Variants in MYOM2 observed in about 807,000 individuals in gnomAD.
MYOM2 encodes the protein myomesin-2.
Under a neutral mutation model 187.6 loss-of-function variants are expected in MYOM2, and 254 were observed. That is an observed-to-expected ratio of 1.35 (90% CI 1.22 to 1.50). The LOEUF (loss-of-function observed/expected upper bound fraction) is 1.50. Among genes scored for constraint, MYOM2 ranks in the 40% most tolerant of loss-of-function variants. MYOM2 has a pLI of 0.00. For synonymous variants in MYOM2, 981 were observed against 753.8 expected (o/e 1.30, Z -4.94); for missense variants, 2,796 against 1,924.0 (o/e 1.45, Z -8.48).
intron 25 of MYOM2, among the ~76,000 whole-genome samples, chr8:2,113,169 G>A (rs17751773): frequency 0.14 from 20,890 of 152,296 alleles, 1,834 homozygotes; most frequent in Non-Finnish European, 0.2. Context: ...GTGATTCTAC[G>A]GTGGCATGGC....
intron 1 of MYOM2, among the ~76,000 whole-genome samples, chr8:2,046,738 C>T (rs954029004): frequency 7.4e-6 from 1 of 135,900 alleles, no homozygotes; most frequent in African/African-American, 2.6e-5. Context: ...CTTTCTCTCT[C>T]TCTTTCTTTT....
At chr8:2,096,187 C>G in intron 17 of MYOM2, 60 bp from the exon 18 acceptor site, 1 of 1,539,138 alleles carries the variant, frequency 6.5e-7, no homozygotes, top group East Asian at 2.3e-5. Flanking sequence ...AGCTGGCTGC[C>G]CCGGGGACAA....
intron 11 of MYOM2, among the ~76,000 whole-genome samples, chr8:2,078,034 C>G (rs1218341865): frequency 6.6e-6 from 1 of 152,144 alleles, no homozygotes; most frequent in Non-Finnish European, 1.5e-5. Context: ...AGTGCTCCCT[C>G]CCAACACTGA....
At position 2,069,299 on chromosome 8, in the gene MYOM2, G is replaced by A. The variant is rs564873821; in HGVS notation, c.675G>A (p.Ala225=). ...CAAGGGCAGACTTTGACGACACTGCGACATACTCAGCAGTGGCCACCAATG... is the reference window on the plus strand; with the variant it reads ...CAAGGGCAGACTTTGACGACACTGCAACATACTCAGCAGTGGCCACCAATG... ...EINRADFDDT[A]TYSAVATNAH... The change falls in exon 7 of 37, where the codon GCG becomes GCA. Residue 225 remains alanine (A), a synonymous_variant. Transcript: ENST00000262113. The A allele has an allele frequency of 3.8e-5, 62 of 1,613,060 alleles. 1 individual carries two copies. In the African/African-American group the frequency reaches 4.0e-4, roughly 10 times the overall value.
At chr8:2,128,652 C>G (rs1363744434) in intron 31 of MYOM2, among the ~76,000 whole-genome samples, 2 of 152,138 alleles carry the variant, frequency 1.3e-5, no homozygotes, top group Non-Finnish European at 2.9e-5. Flanking sequence ...TTCTGCTTTC[C>G]TTCCTCTGAC....
intron 30 of MYOM2, 89 bp downstream of exon 30, chr8:2,123,731 C>G (rs1157049274): frequency 1.8e-6 from 2 of 1,103,668 alleles, no homozygotes; most frequent in South Asian, 2.6e-5. Flanking sequence ...TATGTCTAGC[C>G]TCAGCTATAG....
At chr8:2,120,689 A>AATATATATATAAATATATATTTATAATAT (rs1554432195) in intron 28 of MYOM2, among the ~76,000 whole-genome samples, 4 of 42,386 alleles carry the variant, frequency 9.4e-5, no homozygotes, top group African/African-American at 1.5e-4. Context: ...ATTATATATA[A>AATATATATATAAATATATATTTATAATAT]ATATATAATA....
intron 25 of MYOM2, among the ~76,000 whole-genome samples, chr8:2,112,531 C>G (rs1463204002): frequency 6.6e-6 from 1 of 151,902 alleles, no homozygotes; most frequent in Non-Finnish European, 1.5e-5. Context: ...GGGCTGTTTG[C>G]CTGAGTGATC....
chr8:2,120,680 T>TATATATATATATATATATTTATATAATA, intron 28 of MYOM2, among the ~76,000 whole-genome samples: 1 of 48,300 alleles, frequency 2.1e-5, no homozygotes. Flanking sequence ...ATATATTATA[T>TATATATATATATATATATTTATATAATA]TATATATAAA....
At chr8:2,091,336 G>A (rs1366997763) in intron 15 of MYOM2, among the ~76,000 whole-genome samples, 4 of 152,160 alleles carry the variant, frequency 2.6e-5, no homozygotes, top group Non-Finnish European at 5.9e-5. Context: ...GAGCCAGGGT[G>A]CCCAGCCAGG....
Position 2,055,717 on chromosome 8 carries a change from C to T in MYOM2, c.264-1631C>T, listed in dbSNP as rs181152413. Among the ~76,000 whole-genome samples, 22 of 152,284 alleles carry T rather than the reference C, an allele frequency of 1.4e-4. No individual in the cohort carries two copies. The East Asian group carries it at 3.3e-3, about 23-fold the overall frequency. On this transcript the variant is annotated intron_variant, in intron 3 of 36. Coordinates refer to ENST00000262113, the MANE Select transcript of MYOM2 (RefSeq NM_003970.4). ...CGCTGCTGGGGAAGCGCTGGTCCATCGGAGCCGTGTGGGGTTGTGGAAGCA... is the reference window on the plus strand; with the variant it reads ...CGCTGCTGGGGAAGCGCTGGTCCATTGGAGCCGTGTGGGGTTGTGGAAGCA...
chr8:2,084,604 A>T (rs986142377), intron 13 of MYOM2, among the ~76,000 whole-genome samples: 4 of 152,218 alleles, frequency 2.6e-5, no homozygotes, highest in Admixed American at 6.5e-5. Flanking sequence ...TAGTATATTT[A>T]AAAAAGATGT....
rs565517671 is a variant in MYOM2, at chr8:2,144,936, C to G, written c.4353C>G (p.Ala1451=). The G allele has an allele frequency of 4.3e-5, 70 of 1,614,100 alleles. No individual in the cohort carries two copies. The highest frequency in any genetic ancestry group is 5.8e-5 in the Non-Finnish European group (69 of 1,180,046). Residue 1451 remains alanine (A), a synonymous_variant, in exon 37 of 37, where the codon GCC becomes GCG. Transcript: ENST00000262113. Reference sequence around the variant, plus strand: ...CGGACATGGCCCCGCCCCAGCAAGCCAAGCCCAAGCTCATCCCCGCGTCTG... The same window carrying G: ...CGGACATGGCCCCGCCCCAGCAAGCGAAGCCCAAGCTCATCCCCGCGTCTG... ...KIPDMAPPQQ[A]KPKLIPASAS...
rs763852452 is a variant in MYOM2 at position 2,102,681 on chromosome 8, G to A, written c.2634G>A (p.Gln878=). ...GTTGTTTCAAGGTCTCTGACCTGCA[G>A]CAAGGTAAGACCTATGTCTTCAGGG... The part of the protein sequence containing the change: ...ASRYLKVSDL[Q]QGKTYVFRVR... Residue 878 remains glutamine (Q), a synonymous_variant, in exon 21 of 37, where the codon CAG becomes CAA. Coordinates refer to ENST00000262113, the MANE Select transcript of MYOM2 (RefSeq NM_003970.4). 5 of 1,610,774 alleles carry A rather than the reference G, an allele frequency of 3.1e-6. No homozygotes were observed. The African/African-American group carries it at 5.3e-5, about 17-fold the overall frequency.
chr8:2,052,946 A>C (rs1222147722), intron 3 of MYOM2, among the ~76,000 whole-genome samples: 1 of 152,234 alleles, frequency 6.6e-6, no homozygotes, highest in Non-Finnish European at 1.5e-5. Flanking sequence ...ATGGATTAAT[A>C]AAAATGCCAG....
Position 2,140,825 on chromosome 8 carries a change from C to A in MYOM2, c.3903C>A (p.Tyr1301Ter). 6.2e-7 allele frequency: 1 copy of A among 1,614,074 alleles called. No homozygotes were observed. Among genetic ancestry groups the A allele is most frequent in the Non-Finnish European group, 8.5e-7 (1 of 1,179,962 alleles). The change falls in exon 33 of 37, where the codon TAC becomes TAA. Residue 1301 changes from tyrosine to a stop codon, truncating the protein, a stop_gained. Transcript: ENST00000262113. LOFTEE classifies it high-confidence loss of function. ...CEPTEKDKGK[Y>*]TFEIFDGKDN... ...CGACTGAGAAGGATAAAGGAAAATA[C>A]ACTTTTGAGATTTTCGATGGCAAAG...
chr8:2,051,041 T>C (rs1032168053), intron 2 of MYOM2, among the ~76,000 whole-genome samples, 168 bp downstream of exon 2: 1 of 152,060 alleles, frequency 6.6e-6, no homozygotes, highest in Non-Finnish European at 1.5e-5. Flanking sequence ...AGCAGCACTC[T>C]GTGGAGCTGG....
chr8:2,136,849 C>G (rs529677397), intron 32 of MYOM2, among the ~76,000 whole-genome samples: 4 of 152,308 alleles, frequency 2.6e-5, no homozygotes, highest in South Asian at 2.1e-4. Flanking sequence ...GGAACGTAGT[C>G]CAGCAGAACA....
chr8:2,134,525 G>C (rs147471329), intron 32 of MYOM2, among the ~76,000 whole-genome samples: 176 of 152,284 alleles, frequency 1.2e-3, no homozygotes, highest in African/African-American at 4.2e-3. Context: ...TGTGTGCTGG[G>C]ATTTGAGGTT....
Sources: gnomAD v4.1 joint callset for allele counts (sites outside exome capture counted in the v4.1 genomes callset) on GRCh38, gnomAD v4.1.1 for gene constraint, MANE v1.5 for transcripts, NCBI Gene and HGNC (gene_info 2026-07-23, HGNC 2026-07-21) for gene names.